Variants in VPS13D observed in about 807,000 individuals in gnomAD.
VPS13D encodes the protein vacuolar protein sorting 13 homolog D.
A neutral mutation model predicts 461.9 loss-of-function variants in VPS13D; 187 were observed. The ratio of observed to expected loss-of-function variants is 0.40; its 90% confidence interval spans 0.36 to 0.46. VPS13D has a LOEUF of 0.46. Among genes scored for constraint, VPS13D ranks in the 20% least tolerant of loss-of-function variants. The pLI is 0.60. For missense variants in VPS13D, 4,711 were observed against 5,364.9 expected, an observed-to-expected ratio of 0.88 and a Z score of 3.81; for synonymous variants, 1,951 against 1,986.3, an observed-to-expected ratio of 0.98 and a Z score of 0.47.
intron 60 of VPS13D, among the ~76,000 whole-genome samples, chr1:12,398,488 A>C (rs767338211): frequency 1.2e-4 from 18 of 151,986 alleles, no homozygotes; most frequent in Non-Finnish European, 2.5e-4. Context: ...TTAGGAAGTG[A>C]TATGATAGGG....
intron 52 of VPS13D, among the ~76,000 whole-genome samples, chr1:12,363,929 G>A (rs1329920906): frequency 7.9e-6 from 1 of 127,104 alleles, no homozygotes; most frequent in African/African-American, 2.9e-5. Context: ...CTCCAGTCAG[G>A]CGACAGAGTA....
intron 30 of VPS13D, among the ~76,000 whole-genome samples, chr1:12,316,464 G>T (rs1261082647): frequency 6.6e-6 from 1 of 152,204 alleles, no homozygotes; most frequent in Non-Finnish European, 1.5e-5. Context: ...AACACACTGT[G>T]ACTTTCCAGT....
rs759333436 is a variant in VPS13D at position 12,354,076 on chromosome 1, A to G, written c.9534A>G (p.Ile3178Met). 19 of 1,614,084 alleles carry G rather than the reference A, an allele frequency of 1.2e-5. No homozygotes were observed. Among genetic ancestry groups the G allele is most frequent in the African/African-American group, 9.3e-5 (7 of 74,920 alleles). ...TTTTCAGACAGCCTGGGCATACCAT[A>G]TATCTCCTGCCAACTGTGGTAATCT... is the stretch of plus-strand genomic sequence containing the variant. ...KQIFRQPGHT[I>M]YLLPTVVICN... is the part of the protein sequence containing the mutation. The change falls in exon 47 of 70, where the codon ATA becomes ATG. Residue 3178 changes from isoleucine (I) to methionine (M), a missense_variant. By Grantham distance (10) the Ile-to-Met change is conservative. Coordinates refer to ENST00000620676, the MANE Select transcript of VPS13D (RefSeq NM_015378.4).
chr1:12,268,953 G>A (rs1162538432), intron 16 of VPS13D, 77 bp downstream of exon 16: 3 of 1,510,398 alleles, frequency 2.0e-6, no homozygotes, highest in Non-Finnish European at 2.7e-6. Flanking sequence ...TTCTGGACAA[G>A]GGTTATTCAG....
intron 67 of VPS13D, among the ~76,000 whole-genome samples, chr1:12,470,176 A>G (rs1326798290): frequency 2.0e-5 from 3 of 152,234 alleles, no homozygotes; most frequent in Non-Finnish European, 4.4e-5. Context: ...CAGGGACTGC[A>G]GGAGACTTCA....
chr1:12,345,963 C>T (rs537801521), intron 43 of VPS13D, among the ~76,000 whole-genome samples: 10 of 152,194 alleles, frequency 6.6e-5, no homozygotes, highest in Admixed American at 1.3e-4. Flanking sequence ...CACATGCTCT[C>T]ACATACCCTT....
intron 47 of VPS13D, among the ~76,000 whole-genome samples, chr1:12,355,567 C>T (rs59952223): frequency 8.5e-5 from 13 of 152,052 alleles, no homozygotes; most frequent in African/African-American, 2.2e-4. Flanking sequence ...TATTATGTGT[C>T]GATTAAAAAT....
chr1:12,246,856 C>T (rs180947440), intron 5 of VPS13D, among the ~76,000 whole-genome samples: 7 of 152,222 alleles, frequency 4.6e-5, no homozygotes, highest in Admixed American at 3.9e-4. Context: ...TCAGGACATA[C>T]GACATTTTGT....
intron 64 of VPS13D, among the ~76,000 whole-genome samples, chr1:12,416,246 C>T (rs1355751821): frequency 6.6e-6 from 1 of 152,158 alleles, no homozygotes; most frequent in African/African-American, 2.4e-5. Flanking sequence ...CCCACCCACA[C>T]CACAGCTTAT....
rs1209116695 is a variant in VPS13D, at chr1:12,327,749, G to C, written c.8092G>C (p.Ala2698Pro). 6.2e-7 allele frequency: 1 copy of C among 1,614,040 alleles called. No homozygotes were observed. Among genetic ancestry groups the C allele is most frequent in the Admixed American group, 1.7e-5 (1 of 60,006 alleles). ...CCGAGATAGCCCAGGGGCTGTGGCA[G>C]CGCCATTGATCTCTGGCGTGGAGAT... ...TSRDSPGAVA[A>P]PLISGVEIKA... Residue 2698 changes from alanine (A) to proline (P), a missense_variant, in exon 36 of 70, where the codon GCG becomes CCG. By Grantham distance (27) the Ala-to-Pro change is conservative. This residue lies in a region of VPS13D where 4,411 missense variants were observed against 4,937.8 expected (regional missense o/e 0.89). Transcript: ENST00000620676.
At chr1:12,364,671 A>G (rs1454096947) in intron 52 of VPS13D, among the ~76,000 whole-genome samples, 1 of 152,170 alleles carries the variant, frequency 6.6e-6, no homozygotes, top group Non-Finnish European at 1.5e-5. Flanking sequence ...CACAAGCCTT[A>G]AGTGATAGTC....
intron 67 of VPS13D, 96 bp downstream of exon 67, chr1:12,460,492 G>C: frequency 8.7e-7 from 1 of 1,143,924 alleles, no homozygotes; most frequent in Non-Finnish European, 1.1e-6. Context: ...CACTTTCTTA[G>C]TTATAGGGTT....
intron 25 of VPS13D, among the ~76,000 whole-genome samples, chr1:12,302,401 A>G (rs995473187): frequency 6.6e-6 from 1 of 152,172 alleles, no homozygotes; most frequent in African/African-American, 2.4e-5. Context: ...CTTATCAGAT[A>G]TATCTATGTA....
intron 57 of VPS13D, among the ~76,000 whole-genome samples, chr1:12,382,202 A>G (rs867135486): frequency 6.6e-6 from 1 of 152,038 alleles, no homozygotes; most frequent in Middle Eastern, 3.4e-3. Context: ...CCCGGGCTCA[A>G]GCGATTCTCC....
At chr1:12,498,631 G>A (rs1298300349) in intron 68 of VPS13D, among the ~76,000 whole-genome samples, 1 of 152,112 alleles carries the variant, frequency 6.6e-6, no homozygotes, top group African/African-American at 2.4e-5. Flanking sequence ...GTCTACTTGG[G>A]TTGCCATTAT....
intron 46 of VPS13D, 96 bp downstream of exon 46, chr1:12,349,470 C>A: frequency 3.4e-6 from 4 of 1,163,606 alleles, no homozygotes; most frequent in Non-Finnish European, 4.9e-6. Context: ...CTTAGAGATT[C>A]AGTTATCTTT....
chr1:12,368,818 T>C (rs1399091237), intron 53 of VPS13D, among the ~76,000 whole-genome samples: 2 of 152,232 alleles, frequency 1.3e-5, no homozygotes, highest in Non-Finnish European at 2.9e-5. Flanking sequence ...AGTAATCTTT[T>C]AGCTCCCAGA....
chr1:12,400,055 C>T (rs749979255), intron 60 of VPS13D, 126 bp from the exon 61 acceptor site: 9 of 1,016,140 alleles, frequency 8.9e-6, no homozygotes, highest in Non-Finnish European at 1.3e-5. Flanking sequence ...CTATTGAGAT[C>T]GAGTGAAATG....
intron 65 of VPS13D, among the ~76,000 whole-genome samples, chr1:12,438,454 C>T (rs1645089408): frequency 6.6e-6 from 1 of 152,198 alleles, no homozygotes; most frequent in African/African-American, 2.4e-5. Flanking sequence ...GTTTGTAAGC[C>T]ACTCAGTTAA....
Sources: gnomAD v4.1 joint callset for allele counts (sites outside exome capture counted in the v4.1 genomes callset) on GRCh38, gnomAD v4.1.1 for gene constraint, gnomAD v4.1.1 regional missense constraint, MANE v1.5 for transcripts, NCBI Gene and HGNC (gene_info 2026-07-23, HGNC 2026-07-21) for gene names.